Variants in STK10 observed in about 807,000 individuals in gnomAD.
STK10 encodes serine/threonine kinase 10, also known as serine/threonine-protein kinase 10.
A neutral mutation model predicts 113.8 loss-of-function variants in STK10; 78 were observed. That is an observed-to-expected ratio of 0.69 (90% CI 0.57 to 0.83). The LOEUF is 0.83. Among genes scored for constraint, STK10 ranks in the 40% least tolerant of loss-of-function variants. STK10 has a pLI of 0.00. For missense variants in STK10, 1,109 were observed against 1,280.1 expected (o/e 0.87, Z 2.04); for synonymous variants, 465 against 494.7 (o/e 0.94, Z 0.80).
intron 1 of STK10, among the ~76,000 whole-genome samples, chr5:172,175,473 C>T (rs532856159): frequency 1.3e-5 from 2 of 152,252 alleles, no homozygotes; most frequent in South Asian, 4.1e-4. Context: ...GCACTGCAGG[C>T]TGCTGCGGTC....
intron 2 of STK10, among the ~76,000 whole-genome samples, chr5:172,140,848 G>A (rs187848202): frequency 2.2e-4 from 33 of 152,242 alleles, no homozygotes; most frequent in East Asian, 9.6e-4. Context: ...CATAAAAGCC[G>A]AGATGTAGAA....
In STK10 at chr5:172,053,204, T is replaced by C. The variant is rs893973681; in HGVS notation, c.2653-162A>G. On this transcript the variant is annotated intron_variant, in intron 17 of 18. Coordinates refer to ENST00000176763, the MANE Select transcript of STK10 (RefSeq NM_005990.4). ...ATTCAAACTCTATACGTAAATCACA[T>C]GCACCAAGAAGTGCCTGGAGGAATA... 3.7e-5 allele frequency: 23 copies of C among 616,202 alleles called. No individual in the cohort carries two copies. The East Asian group carries it at 5.8e-4, about 16-fold the overall frequency. The allele number at this position is 616,202 out of a possible 1,614,324, so 38.2% of individuals were successfully genotyped here. A position where few individuals can be genotyped will look rare whatever the true frequency, so the allele number is the denominator to read the frequency against.
At chr5:172,175,168 C>A (rs138407002) in intron 1 of STK10, among the ~76,000 whole-genome samples, 16 of 152,206 alleles carry the variant, frequency 1.1e-4, no homozygotes, top group Non-Finnish European at 1.6e-4. Flanking sequence ...TTTGGTGCCA[C>A]CACGCCTGGC....
intron 4 of STK10, 145 bp downstream of exon 4, chr5:172,117,336 G>A: frequency 3.8e-6 from 3 of 793,376 alleles, no homozygotes; most frequent in African/African-American, 1.8e-5. Flanking sequence ...GTAGGAAGGG[G>A]AGAACTGCTG....
intron 12 of STK10, among the ~76,000 whole-genome samples, chr5:172,078,989 CAT>C (rs1227983776): frequency 4.0e-5 from 6 of 151,776 alleles, no homozygotes; most frequent in South Asian, 2.1e-4. Context: ...ACGGTGTGCA[CAT>C]GTGACAGGGC....
At chr5:172,056,993 A>AAGAGAGAG (rs59953300) in intron 15 of STK10, 9 of 52,022 alleles carry the variant, frequency 1.7e-4, no homozygotes, top group African/African-American at 6.8e-4. Context: ...GAAAGAAAGA[A>AAGAGAGAG]AGAGAAAGAA....
chr5:172,116,971 C>T (rs1236648962), intron 4 of STK10, among the ~76,000 whole-genome samples: 2 of 151,726 alleles, frequency 1.3e-5, no homozygotes, highest in Non-Finnish European at 2.9e-5. Flanking sequence ...CACTCTCATT[C>T]GAATTCTCTT....
At chr5:172,134,797 A>G (rs1014777429) in intron 2 of STK10, among the ~76,000 whole-genome samples, 1 of 151,318 alleles carries the variant, frequency 6.6e-6, no homozygotes, top group Non-Finnish European at 1.5e-5. Flanking sequence ...GGTGGCACAC[A>G]CCTGTGGTCC....
chr5:172,161,702 G>T (rs2113823369), intron 1 of STK10, among the ~76,000 whole-genome samples: 1 of 152,292 alleles, frequency 6.6e-6, no homozygotes, highest in Middle Eastern at 3.4e-3. Flanking sequence ...ATATGTGTCA[G>T]TGCATTTATC....
At chr5:172,172,643 G>A (rs949661133) in intron 1 of STK10, among the ~76,000 whole-genome samples, 18 of 152,210 alleles carry the variant, frequency 1.2e-4, no homozygotes, top group Admixed American at 1.2e-3. Context: ...AATGCCAACT[G>A]CTGAGCTGCG....
chr5:172,114,473 A>ATTTTTTTTT lies in STK10; in HGVS notation c.520+2999_520+3007dup, dbSNP rs546584414. The ATTTTTTTTT allele has an allele frequency of 3.6e-4, 17 of 47,542 alleles. 1 individual carries two copies. Among genetic ancestry groups the ATTTTTTTTT allele is most frequent in the Admixed American group, 1.4e-3 (4 of 2,818 alleles). 2.9% of individuals were successfully genotyped at this position (47,542 alleles called of 1,614,324 possible). A position where few individuals can be genotyped will look rare whatever the true frequency, so the allele number is the denominator to read the frequency against. Reference sequence around the variant, plus strand: ...ATTATATATATATATATATATATATATTTTTTTTTTTTTTTTTTTTTTTTT... The same window carrying ATTTTTTTTT: ...ATTATATATATATATATATATATATATTTTTTTTTTTTTTTTTTTTTTTTTTTTTTTTTT... On this transcript the variant is annotated intron_variant, in intron 4 of 18. Transcript: ENST00000176763.
At chr5:172,150,167 C>T (rs568183383) in intron 2 of STK10, among the ~76,000 whole-genome samples, 1 of 151,792 alleles carries the variant, frequency 6.6e-6, no homozygotes, top group African/African-American at 2.4e-5. Flanking sequence ...GTCACACAGC[C>T]AGTTGGTCCC....
At chr5:172,061,796 T>C (rs1381111416) in intron 13 of STK10, among the ~76,000 whole-genome samples, 1 of 152,046 alleles carries the variant, frequency 6.6e-6, no homozygotes, top group Admixed American at 6.6e-5. Context: ...TTGCTAGGTG[T>C]GTTTATGGTA....
Position 172,187,353 on chromosome 5 carries a change from T to G in STK10, c.156+534A>C, listed in dbSNP as rs1390412272. ...CACCTTTCCAAGCCCCACCTCTCAG[T>G]CCATGGGCCACCCCTCGCCCACCCC... On this transcript the variant is annotated intron_variant, in intron 1 of 18. Coordinates refer to ENST00000176763, the MANE Select transcript of STK10 (RefSeq NM_005990.4). This position sits in a 1 kb window ranked among gnomAD's most constrained non-coding sequence, Gnocchi z 4.6. Among the ~76,000 whole-genome samples the G allele has an allele frequency of 2.0e-5, 3 of 151,524 alleles. No individual in the cohort carries two copies. The East Asian group carries it at 5.8e-4, about 29-fold the overall frequency.
chr5:172,051,538 T>G (rs1281010227), intron 18 of STK10, among the ~76,000 whole-genome samples: 1 of 152,014 alleles, frequency 6.6e-6, no homozygotes, highest in Non-Finnish European at 1.5e-5. Context: ...GGCAGGAAAA[T>G]CATTTGAACC....
intron 12 of STK10, among the ~76,000 whole-genome samples, chr5:172,071,802 C>T (rs1437489454): frequency 6.6e-6 from 1 of 152,190 alleles, no homozygotes; most frequent in African/African-American, 2.4e-5. Context: ...ACTGTCTATT[C>T]TATACCTAAC....
chr5:172,107,401 T>C (rs967254568), intron 5 of STK10, among the ~76,000 whole-genome samples: 2 of 152,178 alleles, frequency 1.3e-5, no homozygotes, highest in African/African-American at 4.8e-5. Flanking sequence ...CACATGACGG[T>C]AGGAATTGAA....
At chr5:172,163,404 C>T (rs903444363) in intron 1 of STK10, among the ~76,000 whole-genome samples, 3 of 152,192 alleles carry the variant, frequency 2.0e-5, no homozygotes, top group Non-Finnish European at 2.9e-5. Context: ...CCTGTTCTAT[C>T]TCCCTTTGCT....
chr5:172,059,006 AAGGTC>A (rs560320925), intron 14 of STK10, among the ~76,000 whole-genome samples: 19 of 151,440 alleles, frequency 1.3e-4, no homozygotes, highest in Admixed American at 3.9e-4. Context: ...GGCAGATCAC[AAGGTC>A]AGGAGATTGA....
Sources: gnomAD v4.1 joint callset for allele counts (sites outside exome capture counted in the v4.1 genomes callset) on GRCh38, gnomAD v4.1.1 for gene constraint, Gnocchi (gnomAD v3.1) non-coding constraint, MANE v1.5 for transcripts, NCBI Gene and HGNC (gene_info 2026-07-23, HGNC 2026-07-21) for gene names.